The following DOCK3 variants were observed in gnomAD, a reference collection of about 807,000 sequenced individuals.
The protein encoded by DOCK3 is dedicator of cytokinesis 3, also known as dedicator of cytokinesis protein 3.
A neutral mutation model predicts 265.6 loss-of-function variants in DOCK3; 60 were observed. The ratio of observed to expected loss-of-function variants is 0.23; its 90% CI spans 0.18 to 0.28. The LOEUF (loss-of-function observed/expected upper bound fraction) is 0.28. Among genes scored for constraint, DOCK3 ranks in the 10% least tolerant of loss-of-function variants. The pLI, the probability that DOCK3 is intolerant of heterozygous loss-of-function variation, is 1.00. For synonymous variants in DOCK3, 881 were observed against 938.0 expected (o/e 0.94, Z 1.11); for missense variants, 1,981 against 2,594.3 (o/e 0.76, Z 5.14).
intron 1 of DOCK3, among the ~76,000 whole-genome samples, chr3:50,725,594 A>G (rs2037768901): frequency 1.3e-5 from 2 of 152,148 alleles, no homozygotes; most frequent in South Asian, 2.1e-4. Flanking sequence ...ATGAAGAAAG[A>G]GGCTGATAAA....
chr3:51,230,150 T>C (rs2090485093), intron 19 of DOCK3, among the ~76,000 whole-genome samples: 1 of 152,228 alleles, frequency 6.6e-6, no homozygotes, highest in South Asian at 2.1e-4. Flanking sequence ...TTAGATTTAG[T>C]GGGTACATGT....
chr3:51,280,060 C>A, intron 26 of DOCK3, 46 bp from the exon 27 acceptor site: 1 of 1,521,412 alleles, frequency 6.6e-7, no homozygotes, highest in Non-Finnish European at 9.1e-7. Flanking sequence ...GGGAACACAG[C>A]CCTTGCAATT....
At chr3:50,927,050 C>T (rs1344338069) in intron 4 of DOCK3, among the ~76,000 whole-genome samples, 1 of 152,228 alleles carries the variant, frequency 6.6e-6, no homozygotes, top group Non-Finnish European at 1.5e-5. Flanking sequence ...GACTTCCTGT[C>T]ACCCTGTAAC....
intron 3 of DOCK3, among the ~76,000 whole-genome samples, chr3:50,854,778 G>A (rs2046509822): frequency 6.6e-6 from 1 of 151,498 alleles, no homozygotes; most frequent in Admixed American, 6.6e-5. Context: ...CTTAATTTAA[G>A]TTGTTAATCC....
intron 5 of DOCK3, among the ~76,000 whole-genome samples, chr3:51,055,098 G>A (rs994185526): frequency 6.6e-6 from 1 of 152,150 alleles, no homozygotes; most frequent in African/African-American, 2.4e-5. Context: ...GATTAGAAGA[G>A]GGCCTGGCTT....
intron 3 of DOCK3, among the ~76,000 whole-genome samples, chr3:50,856,243 T>C (rs2046590737): frequency 6.6e-6 from 1 of 152,226 alleles, no homozygotes; most frequent in Non-Finnish European, 1.5e-5. Flanking sequence ...TGATTCTGGG[T>C]CTTTGAGGAA....
chr3:50,683,950 C>G (rs993902393), intron 1 of DOCK3, among the ~76,000 whole-genome samples: 1 of 151,308 alleles, frequency 6.6e-6, no homozygotes, highest in African/African-American at 2.4e-5. Flanking sequence ...AGGCGTGAGC[C>G]ACCATGCCGG....
intron 1 of DOCK3, among the ~76,000 whole-genome samples, chr3:50,709,030 C>T (rs932406896): frequency 1.3e-5 from 2 of 152,218 alleles, no homozygotes; most frequent in African/African-American, 4.8e-5. Context: ...ATCCAGTGCT[C>T]AACTTTGTTG....
At position 51,228,892 on chromosome 3, in the gene DOCK3, T is replaced by A. The variant is rs967442399; in HGVS notation, c.1819+60T>A. 5.2e-6 allele frequency: 8 copies of A among 1,530,890 alleles called. No homozygotes were observed. In the African/African-American group the frequency reaches 1.1e-4, roughly 21 times the overall value. 94.8% of individuals were successfully genotyped at this position (1,530,890 alleles called of 1,614,324 possible). A position where few individuals can be genotyped will look rare whatever the true frequency, so the allele number is the denominator to read the frequency against. ...CCCTCCTCCATTGTTCACTCCACAC[T>A]ACTAGCGCATGTGAAGGGAGAGATA... On this transcript the variant is annotated intron_variant, in intron 18 of 52. Coordinates refer to ENST00000266037, the MANE Select transcript of DOCK3 (RefSeq NM_004947.5).
Position 51,342,290 on chromosome 3 carries a change from T to A in DOCK3, c.3915+905T>A, listed in dbSNP as rs2085293088. On this transcript the variant is annotated intron_variant, in intron 38 of 52. Coordinates refer to ENST00000266037, the MANE Select transcript of DOCK3 (RefSeq NM_004947.5). ...TATTCACTCAGAAAACATTTCCCCATACAGAGAATGCACTGGTAAGCAAGA... is the reference window on the plus strand; with the variant it reads ...TATTCACTCAGAAAACATTTCCCCAAACAGAGAATGCACTGGTAAGCAAGA... Among the ~76,000 whole-genome samples the A allele has an allele frequency of 2.0e-5, 3 of 152,228 alleles. No individual in the cohort carries two copies. The South Asian group carries it at 6.2e-4, about 32-fold the overall frequency.
At chr3:50,929,596 A>G (rs1176075496) in intron 4 of DOCK3, among the ~76,000 whole-genome samples, 3 of 152,168 alleles carry the variant, frequency 2.0e-5, no homozygotes, top group African/African-American at 7.2e-5. Flanking sequence ...TTCAGAGTCC[A>G]GAAGACCTAT....
chr3:51,068,872 T>C (rs2081729555), intron 6 of DOCK3, among the ~76,000 whole-genome samples: 1 of 152,210 alleles, frequency 6.6e-6, no homozygotes, highest in African/African-American at 2.4e-5. Flanking sequence ...AATATTCAGT[T>C]AGAACTTCCA....
chr3:51,036,889 G>T (rs761877480), intron 5 of DOCK3, among the ~76,000 whole-genome samples: 3 of 152,112 alleles, frequency 2.0e-5, no homozygotes, highest in Non-Finnish European at 4.4e-5. Context: ...GAGTTTCCCT[G>T]CACAAGCTCT....
chr3:51,184,139 G>A (rs141072758), intron 12 of DOCK3, among the ~76,000 whole-genome samples: 2,318 of 152,010 alleles, frequency 0.015, 25 homozygotes, highest in South Asian at 0.028. Context: ...GCAAAACCCC[G>A]TCTCCACTAA....
intron 2 of DOCK3, among the ~76,000 whole-genome samples, chr3:50,816,332 T>A (rs2106840737): frequency 6.7e-6 from 1 of 149,448 alleles, no homozygotes; most frequent in South Asian, 2.2e-4. Flanking sequence ...TCTTTTTTTT[T>A]TTTTTTTTTG....
At chr3:51,337,420 CA>C in intron 35 of DOCK3, among the ~76,000 whole-genome samples, 1 of 152,286 alleles carries the variant, frequency 6.6e-6, no homozygotes, top group Middle Eastern at 3.4e-3. Flanking sequence ...GCCAGTGGAG[CA>C]AAGCCAAAGA....
intron 9 of DOCK3, among the ~76,000 whole-genome samples, chr3:51,146,049 A>T (rs1313921154): frequency 6.6e-6 from 1 of 152,230 alleles, no homozygotes; most frequent in Admixed American, 6.5e-5. Context: ...TGTGCGGCCC[A>T]GTTCCTCACA....
intron 5 of DOCK3, among the ~76,000 whole-genome samples, chr3:50,960,361 TATC>T (rs950647272): frequency 2.0e-5 from 3 of 152,168 alleles, no homozygotes; most frequent in African/African-American, 7.2e-5. Context: ...TGGCAACTCT[TATC>T]ATTGTCTCCC....
At chr3:50,707,941 A>G (rs2036520263) in intron 1 of DOCK3, among the ~76,000 whole-genome samples, 1 of 152,070 alleles carries the variant, frequency 6.6e-6, no homozygotes, top group Non-Finnish European at 1.5e-5. Context: ...GTTGATCCCT[A>G]GGCCCCCATG....
Sources: gnomAD v4.1 joint callset for allele counts (sites outside exome capture counted in the v4.1 genomes callset) on GRCh38, gnomAD v4.1.1 for gene constraint, MANE v1.5 for transcripts, NCBI Gene and HGNC (gene_info 2026-07-23, HGNC 2026-07-21) for gene names.